SGCG: variants seen among roughly 807,000 people sequenced by gnomAD.
SGCG encodes the protein gamma-sarcoglycan.
Under a neutral mutation model 29.3 loss-of-function variants are expected in SGCG, and 26 were observed. The ratio of observed to expected loss-of-function variants is 0.89; its 90% CI spans 0.65 to 1.23. SGCG has a LOEUF of 1.23. SGCG is among the 50% of genes most tolerant of loss of function. The pLI, the probability that SGCG is intolerant of heterozygous loss-of-function variation, is 0.00. For missense variants in SGCG, 353 were observed against 356.0 expected, an observed-to-expected ratio of 0.99 and a Z score of 0.07; for synonymous variants, 145 against 129.7, an observed-to-expected ratio of 1.12 and a Z score of -0.80.
intron 5 of SGCG, among the ~76,000 whole-genome samples, chr13:23,292,446 T>G (rs555238449): frequency 2.6e-4 from 39 of 152,326 alleles, no homozygotes; most frequent in Admixed American, 6.5e-4. Flanking sequence ...AACTTTCTCT[T>G]TGTTCTTTGG....
chr13:23,180,890 T>G (rs1876708137), upstream of SGCG: 1 of 152,174 alleles, frequency 6.6e-6, no homozygotes, highest in East Asian at 1.9e-4. Context: ...CGTCTGTTGC[T>G]AATGTGAGGG....
At chr13:23,283,692 G>A (rs190163548) in intron 5 of SGCG, among the ~76,000 whole-genome samples, 97 of 152,310 alleles carry the variant, frequency 6.4e-4, no homozygotes, top group African/African-American at 2.2e-3. Context: ...ATTAGTTGAT[G>A]CAGTTTCTTC....
chr13:23,262,611 A>G (rs530502015), intron 4 of SGCG, among the ~76,000 whole-genome samples: 1 of 152,054 alleles, frequency 6.6e-6, no homozygotes, highest in African/African-American at 2.4e-5. Flanking sequence ...TGAGGCAGAA[A>G]GTCAACAAAG....
At chr13:23,276,075 C>T (rs2137611487) in intron 4 of SGCG, among the ~76,000 whole-genome samples, 1 of 152,156 alleles carries the variant, frequency 6.6e-6, no homozygotes, top group African/African-American at 2.4e-5. Flanking sequence ...TGGTGCTGTA[C>T]AGATAGCTCT....
At chr13:23,285,848 C>G (rs1881476686) in intron 5 of SGCG, among the ~76,000 whole-genome samples, 1 of 152,182 alleles carries the variant, frequency 6.6e-6, no homozygotes, top group African/African-American at 2.4e-5. Context: ...CACGGCTTCC[C>G]TTGGCTAGGC....
intron 4 of SGCG, among the ~76,000 whole-genome samples, chr13:23,260,969 T>C (rs1880410046): frequency 6.6e-6 from 1 of 152,158 alleles, no homozygotes; most frequent in African/African-American, 2.4e-5. Flanking sequence ...GCCGTTAACA[T>C]TTTTTCCTTC....
intron 1 of SGCG, among the ~76,000 whole-genome samples, chr13:23,198,214 C>T (rs973077389): frequency 6.7e-6 from 1 of 150,078 alleles, no homozygotes; most frequent in Non-Finnish European, 1.5e-5. Context: ...TCATTTTGGG[C>T]ATTATCCTTG....
In SGCG at chr13:23,196,943, C is replaced by T. The variant is rs77917358; in HGVS notation, c.1-6752C>T. Among the ~76,000 whole-genome samples the T allele has an allele frequency of 3.0e-3, 462 of 152,298 alleles. 3 individuals are homozygous for T. The highest frequency in any genetic ancestry group is 0.011 in the African/African-American group (444 of 41,550). Reference sequence around the variant, plus strand: ...ATTCCCAATACTAGCATAACATAGGCAGCCTGAATTTAACCATCCCACTAG... The same window carrying T: ...ATTCCCAATACTAGCATAACATAGGTAGCCTGAATTTAACCATCCCACTAG... On this transcript the variant is annotated intron_variant, in intron 1 of 7. Transcript: ENST00000218867.
At chr13:23,171,632 T>C in the SGCG span, among the ~76,000 whole-genome samples, 4 of 152,260 alleles carry the variant, frequency 2.6e-5, no homozygotes, top group Non-Finnish European at 5.9e-5. Flanking sequence ...AGTTTTTCCA[T>C]AGATGGAGGA....
At chr13:23,231,465 A>G (rs1356620432) in intron 2 of SGCG, among the ~76,000 whole-genome samples, 1 of 152,286 alleles carries the variant, frequency 6.6e-6, no homozygotes, top group Non-Finnish European at 1.5e-5. Flanking sequence ...CACAGAAGCT[A>G]GGATTAACAT....
At chr13:23,193,177 A>G (rs905494112) in intron 1 of SGCG, among the ~76,000 whole-genome samples, 3 of 152,136 alleles carry the variant, frequency 2.0e-5, no homozygotes, top group Non-Finnish European at 4.4e-5. Context: ...AGACTATAAG[A>G]TAGGAGAAAG....
chr13:23,233,768 G>C (rs1429650739), intron 2 of SGCG, among the ~76,000 whole-genome samples: 3 of 152,172 alleles, frequency 2.0e-5, no homozygotes. Flanking sequence ...CCAATTCATA[G>C]CATGAACGCA....
chr13:23,301,664 A>T (rs1045504662), intron 6 of SGCG, among the ~76,000 whole-genome samples: 1 of 152,194 alleles, frequency 6.6e-6, no homozygotes, highest in Non-Finnish European at 1.5e-5. Flanking sequence ...AGGCGGGTGG[A>T]TTACCTGAGG....
chr13:23,240,060 C>T (rs191780764), intron 3 of SGCG, among the ~76,000 whole-genome samples: 1 of 152,230 alleles, frequency 6.6e-6, no homozygotes, highest in East Asian at 1.9e-4. Flanking sequence ...TATATGCCAT[C>T]TAGAAGAAAC....
rs79745219 is a variant in SGCG, at chr13:23,279,559, G to T, written c.505+81G>T. ...CACATTGTACTATTGACAAGTTTAT[G>T]TGGAATCTTTCAAGCAGATAAGAGA... On this transcript the variant is annotated intron_variant, in intron 5 of 7. Coordinates refer to ENST00000218867, the MANE Select transcript of SGCG (RefSeq NM_000231.3). 1.1e-4 allele frequency: 149 copies of T among 1,410,960 alleles called. No individual in the cohort carries two copies. The East Asian group carries it at 3.6e-3, about 34-fold the overall frequency. 87.4% of individuals were successfully genotyped at this position (1,410,960 alleles called of 1,614,324 possible). A position where few individuals can be genotyped will look rare whatever the true frequency, so the allele number is the denominator to read the frequency against.
intron 4 of SGCG, among the ~76,000 whole-genome samples, chr13:23,260,873 T>C (rs1246778980): frequency 6.6e-6 from 1 of 152,200 alleles, no homozygotes; most frequent in Non-Finnish European, 1.5e-5. Flanking sequence ...CCCCACACTC[T>C]TCTGGCTTGT....
At chr13:23,314,745 G>A (rs1882744056) in intron 6 of SGCG, among the ~76,000 whole-genome samples, 1 of 152,050 alleles carries the variant, frequency 6.6e-6, no homozygotes, top group Non-Finnish European at 1.5e-5. Flanking sequence ...TTCTACCTCA[G>A]TAAAATTTTT....
At chr13:23,167,974 T>C in the SGCG span, among the ~76,000 whole-genome samples, 1 of 152,196 alleles carries the variant, frequency 6.6e-6, no homozygotes, top group Non-Finnish European at 1.5e-5. Context: ...TGACCTCAGA[T>C]GATCCGTGTG....
chr13:23,192,708 AT>A (rs1395619657), intron 1 of SGCG, among the ~76,000 whole-genome samples: 1 of 152,176 alleles, frequency 6.6e-6, no homozygotes, highest in African/African-American at 2.4e-5. Flanking sequence ...TAGGGTCTTT[AT>A]TAAAGAACAG....
Sources: allele counts gnomAD v4.1 joint callset (sites outside exome capture counted in the v4.1 genomes callset), GRCh38; gene constraint gnomAD v4.1.1; transcripts MANE v1.5; gene names NCBI Gene and HGNC (gene_info 2026-07-23, HGNC 2026-07-21).